The following CEP83 variants were observed in gnomAD, a reference collection of about 807,000 sequenced individuals.
CEP83 encodes centrosomal protein 83, also known as centrosomal protein of 83 kDa.
CEP83 carries 70 observed loss-of-function variants against 101.9 expected under a neutral mutation model. The observed-to-expected ratio is 0.69, with a 90% CI of 0.57 to 0.84. The LOEUF (loss-of-function observed/expected upper bound fraction) is 0.84. CEP83 is among the 40% of genes least tolerant of loss of function. The pLI, the probability that CEP83 is intolerant of heterozygous loss-of-function variation, is 0.00. For synonymous variants in CEP83, 264 were observed against 267.9 expected (o/e 0.99, Z 0.14); for missense variants, 715 against 787.2 (o/e 0.91, Z 1.10).
downstream of CEP83, among the ~76,000 whole-genome samples, chr12:94,304,732 C>T (rs1355456059): frequency 6.6e-6 from 1 of 152,118 alleles, no homozygotes; most frequent in Non-Finnish European, 1.5e-5. Context: ...AAGCATCCCT[C>T]GTTCCAGGGG....
At chr12:94,271,671 G>A in the CEP83 span, among the ~76,000 whole-genome samples, 1 of 152,156 alleles carries the variant, frequency 6.6e-6, no homozygotes, top group African/African-American at 2.4e-5. Context: ...GCATATTTGT[G>A]GTGAGGTCAG....
At chr12:94,365,852 T>C (rs1489157353) in intron 11 of CEP83, among the ~76,000 whole-genome samples, 1 of 147,988 alleles carries the variant, frequency 6.8e-6, no homozygotes, top group Non-Finnish European at 1.5e-5. Flanking sequence ...TAGATACACA[T>C]AGTGGAGTGC....
At chr12:94,372,092 G>A (rs958767072) in intron 8 of CEP83, among the ~76,000 whole-genome samples, 1 of 152,138 alleles carries the variant, frequency 6.6e-6, no homozygotes, top group East Asian at 1.9e-4. Flanking sequence ...CTCTGCCTCA[G>A]CCTCCTGAGT....
Position 94,424,709 on chromosome 12 carries a change from G to A in CEP83, c.-102+10566C>T. 5.6e-6 allele frequency: 9 copies of A among 1,609,082 alleles called. No homozygotes were observed. In the South Asian group the frequency reaches 9.9e-5, roughly 18 times the overall value. On this transcript the variant is annotated intron_variant, in intron 2 of 16. Coordinates refer to ENST00000397809, the MANE Select transcript of CEP83 (RefSeq NM_016122.3). Reference sequence around the variant, plus strand: ...TTTGTTTGTGGTCTTGTCCAGTACGGCCTTAGTGGAAACAATCTTGCCATA... The same window carrying A: ...TTTGTTTGTGGTCTTGTCCAGTACGACCTTAGTGGAAACAATCTTGCCATA...
intron 2 of CEP83, among the ~76,000 whole-genome samples, chr12:94,421,733 C>T (rs1027852633): frequency 3.3e-5 from 5 of 152,120 alleles, no homozygotes; most frequent in African/African-American, 7.2e-5. Context: ...TAGATGATAT[C>T]GCCTATTATA....
rs188571081 is a variant in CEP83, at chr12:94,450,081, C to A, written c.-155+9476G>T. Among the ~76,000 whole-genome samples, 273 of 152,246 alleles carry A rather than the reference C, an allele frequency of 1.8e-3. 1 individual carries two copies. The highest frequency in any genetic ancestry group is 2.8e-3 in the Non-Finnish European group (188 of 68,024). On this transcript the variant is annotated intron_variant, in intron 1 of 16. Coordinates refer to ENST00000397809, the MANE Select transcript of CEP83 (RefSeq NM_016122.3). ...CTGATGGCAAAAATCTGCATGTTTT[C>A]CCCCTAAGACTGGGAGTAATGCAAT...
intron 11 of CEP83, among the ~76,000 whole-genome samples, chr12:94,346,077 G>T (rs935618124): frequency 6.6e-6 from 1 of 151,902 alleles, no homozygotes; most frequent in Admixed American, 6.6e-5. Context: ...TTGAGACGGG[G>T]TCTTGCTCTG....
intron 1 of CEP83, among the ~76,000 whole-genome samples, chr12:94,457,342 T>G (rs2067759572): frequency 6.6e-6 from 1 of 152,228 alleles, no homozygotes; most frequent in African/African-American, 2.4e-5. Flanking sequence ...AATTTACTTA[T>G]GGAACCTAAT....
At chr12:94,417,721 G>A (rs1293865154) in intron 2 of CEP83, among the ~76,000 whole-genome samples, 2 of 151,960 alleles carry the variant, frequency 1.3e-5, no homozygotes, top group Admixed American at 6.6e-5. Context: ...CCAGGAGGCA[G>A]GGGTTGCAGT....
the CEP83 span, among the ~76,000 whole-genome samples, chr12:94,287,192 G>A: frequency 1.3e-5 from 2 of 152,220 alleles, no homozygotes; most frequent in African/African-American, 4.8e-5. Flanking sequence ...TCTGTCCTGT[G>A]CAGACAAAGG....
chr12:94,456,047 C>CAAAAAA (rs56804581), intron 1 of CEP83, among the ~76,000 whole-genome samples: 1 of 128,312 alleles, frequency 7.8e-6, no homozygotes, highest in Non-Finnish European at 1.7e-5. Context: ...AACTCCATCT[C>CAAAAAA]AAAAAAAAAA....
rs545265859 is a variant in CEP83 at position 94,434,319 on chromosome 12, A to G, written c.-102+956T>C. Among the ~76,000 whole-genome samples the G allele has an allele frequency of 9.2e-4, 140 of 152,228 alleles. 1 individual carries two copies. Among genetic ancestry groups the G allele is most frequent in the Non-Finnish European group, 1.3e-3 (87 of 68,028 alleles). ...ATGAAACAAAAAAATGTTTATACAC[A>G]AAAAAATGTAAAAATTGTACAAATG... On this transcript the variant is annotated intron_variant, in intron 2 of 16. Transcript: ENST00000397809.
In CEP83 at chr12:94,331,811, C is replaced by G; in HGVS notation, c.1596G>C (p.Gln532His). Residue 532 changes from glutamine to histidine, a missense_variant, in exon 14 of 17, where the codon CAG becomes CAC. Physicochemically the swap from Gln to His is conservative, Grantham distance 24. Transcript: ENST00000397809. ...TATGCTTTTCTTCCAACCACTGTAT[C>G]TGTTTCTCTTCCAATGTCCTGTCAG... ...LEAEKTLEEK[Q>H]IQWLEEKHKL... The G allele has an allele frequency of 6.2e-7, 1 of 1,612,892 alleles. No homozygotes were observed.
chr12:94,275,065 C>A, the CEP83 span, among the ~76,000 whole-genome samples: 2 of 152,330 alleles, frequency 1.3e-5, no homozygotes, highest in African/African-American at 4.8e-5. Context: ...ATTCCCTCAG[C>A]TGGTGAGCAG....
At chr12:94,285,873 AGCT>A in the CEP83 span, among the ~76,000 whole-genome samples, 2 of 152,172 alleles carry the variant, frequency 1.3e-5, no homozygotes, top group Non-Finnish European at 2.9e-5. Context: ...TGTCTTGCTC[AGCT>A]GTGCCTCCCC....
the CEP83 span, among the ~76,000 whole-genome samples, chr12:94,266,712 A>G: frequency 6.6e-6 from 1 of 152,182 alleles, no homozygotes; most frequent in Admixed American, 6.5e-5. Context: ...TTCTCCTCAC[A>G]TGTGAAATGG....
the CEP83 span, among the ~76,000 whole-genome samples, chr12:94,285,478 A>G: frequency 1.0e-3 from 156 of 152,300 alleles, 1 homozygote; most frequent in African/African-American, 3.5e-3. Flanking sequence ...GCTGCAGGCT[A>G]GCAACTTGCC....
At chr12:94,369,389 G>A (rs567007828) in intron 9 of CEP83, 2 of 152,404 alleles carry the variant, frequency 1.3e-5, no homozygotes, top group South Asian at 4.1e-4. Context: ...GGGAGGCAGA[G>A]CTTCCAGTGA....
chr12:94,421,086 G>C (rs904612768), intron 2 of CEP83, among the ~76,000 whole-genome samples: 8 of 151,882 alleles, frequency 5.3e-5, no homozygotes, highest in Non-Finnish European at 1.0e-4. Context: ...TGTCATCCAC[G>C]CTGGAGTGCA....
Sources: allele counts gnomAD v4.1 joint callset (sites outside exome capture counted in the v4.1 genomes callset), GRCh38; gene constraint gnomAD v4.1.1; transcripts MANE v1.5; gene names NCBI Gene and HGNC (gene_info 2026-07-23, HGNC 2026-07-21).